The following RAD1 variants were observed in gnomAD, a reference collection of about 807,000 sequenced individuals.
RAD1 encodes cell cycle checkpoint protein RAD1.
A neutral mutation model predicts 30.0 loss-of-function variants in RAD1; 21 were observed. That is an observed-to-expected ratio of 0.70 (90% CI 0.50 to 1.01). The LOEUF is 1.01. Among genes scored for constraint, RAD1 ranks in the 50% least tolerant of loss-of-function variants. The pLI, the probability that RAD1 is intolerant of heterozygous loss-of-function variation, is 0.00. For missense variants in RAD1, 329 were observed against 329.0 expected, an observed-to-expected ratio of 1.00 and a Z score of 0.00; for synonymous variants, 109 against 113.6, an observed-to-expected ratio of 0.96 and a Z score of 0.26.
intron 2 of RAD1, 178 bp downstream of exon 2, chr5:34,914,517 C>A: frequency 4.6e-6 from 3 of 649,918 alleles, no homozygotes; most frequent in Middle Eastern, 8.6e-4. Context: ...AAAAAAAATT[C>A]AAGTAATGAC....
chr5:34,911,915 C>A, intron 3 of RAD1, 103 bp from the exon 4 acceptor site: 1 of 1,296,420 alleles, frequency 7.7e-7, no homozygotes, highest in Non-Finnish European at 1.1e-6. Flanking sequence ...TTATTCCGCC[C>A]AATTTCTCAC....
chr5:34,913,606 T>C, intron 2 of RAD1, 28 bp from the exon 3 acceptor site: 1 of 1,409,044 alleles, frequency 7.1e-7, no homozygotes, highest in East Asian at 2.3e-5. Context: ...ATGAAAATTG[T>C]TACATAAAAG....
intron 3 of RAD1, among the ~76,000 whole-genome samples, chr5:34,913,092 CAG>C (rs1763902037): frequency 6.6e-6 from 1 of 152,128 alleles, no homozygotes; most frequent in South Asian, 2.1e-4. Context: ...AACTAGGAGT[CAG>C]AACTGGCTTT....
intron 5 of RAD1, 105 bp from the exon 6 acceptor site, chr5:34,909,053 C>T (rs1763750325): frequency 5.2e-6 from 6 of 1,143,076 alleles, no homozygotes; most frequent in Non-Finnish European, 7.5e-6. Flanking sequence ...AAATCAAGTA[C>T]TTATCCAATT....
chr5:34,915,083 A>T (rs926612014), intron 1 of RAD1, 122 bp from the exon 2 acceptor site: 1 of 598,418 alleles, frequency 1.7e-6, no homozygotes, highest in Non-Finnish European at 3.0e-6. Flanking sequence ...AACCCCACCT[A>T]TGTCACTTAA....
chr5:34,911,803 G>A lies in RAD1; in HGVS notation c.317C>T (p.Thr106Ile). The change falls in exon 4 of 6, where the codon ACT becomes ATT. Residue 106 changes from threonine (T) to isoleucine (I), a missense_variant. By Grantham distance (89) the Thr-to-Ile change is moderately conservative (BLOSUM62 -1). Transcript: ENST00000382038. ...FGSSPMPGTLTALRMCYQGYG... is the reference protein window; with the variant it reads ...FGSSPMPGTLIALRMCYQGYG... ...ACCTTGGTAACACATTCGAAGTGCA[G>A]TTAAAGTCCCTGCAATGGAAAGAAG... The A allele has an allele frequency of 3.7e-6, 6 of 1,614,110 alleles. No individual in the cohort carries two copies. The highest frequency in any genetic ancestry group is 5.1e-6 in the Non-Finnish European group (6 of 1,179,992).
At chr5:34,910,363 T>C (rs1298895054) in intron 4 of RAD1, among the ~76,000 whole-genome samples, 6 of 152,178 alleles carry the variant, frequency 3.9e-5, no homozygotes, top group Non-Finnish European at 7.4e-5. Flanking sequence ...TTGGTTAACT[T>C]TCTCAGACCT....
chr5:34,914,893 C>T lies in RAD1; in HGVS notation c.-1G>A. On this transcript the variant is annotated 5_prime_UTR_variant, in exon 2 of 6. Coordinates refer to ENST00000382038, the MANE Select transcript of RAD1 (RefSeq NM_002853.4). ...GGATCTGTTGGGTCAGAAGGGGCAT[C>T]GTCCACTGCGCATTCGGCCCCGAGG... 6.2e-7 allele frequency: 1 copy of T among 1,614,082 alleles called. No homozygotes were observed. The highest frequency in any genetic ancestry group is 8.5e-7 in the Non-Finnish European group (1 of 1,180,022).
chr5:34,907,019 C>A lies in RAD1; in HGVS notation c.*1746G>T, dbSNP rs1763673314. ...ATTCCAACTTCTTTTGTAGTCACTG[C>A]TAAATTTTGTATGCTGAGATTGAGA... On this transcript the variant is annotated 3_prime_UTR_variant, in exon 6 of 6. Coordinates refer to ENST00000382038, the MANE Select transcript of RAD1 (RefSeq NM_002853.4). 6.6e-6 allele frequency: 1 copy of A among 152,112 alleles called. No individual in the cohort carries two copies. 9.4% of individuals were successfully genotyped at this position (152,112 alleles called of 1,614,324 possible). A position where few individuals can be genotyped will look rare whatever the true frequency, so the allele number is the denominator to read the frequency against.
intron 3 of RAD1, among the ~76,000 whole-genome samples, chr5:34,912,339 T>TG (rs1307490895): frequency 6.6e-6 from 1 of 152,156 alleles, no homozygotes; most frequent in Non-Finnish European, 1.5e-5. Context: ...TTGTTAATGG[T>TG]GGTGTAAATT....
At chr5:34,912,205 T>C (rs1763869221) in intron 3 of RAD1, among the ~76,000 whole-genome samples, 1 of 152,220 alleles carries the variant, frequency 6.6e-6, no homozygotes, top group South Asian at 2.1e-4. Context: ...TAACAGTGGA[T>C]TGCTGTCATC....
chr5:34,910,764 A>G (rs562664217), intron 4 of RAD1, among the ~76,000 whole-genome samples: 2 of 152,332 alleles, frequency 1.3e-5, no homozygotes, highest in South Asian at 4.1e-4. Context: ...AGTTACAAAA[A>G]GAATACCTTA....
At position 34,909,356 on chromosome 5, in the gene RAD1, C is replaced by T; in HGVS notation, c.567G>A (p.Arg189=). 2 of 1,582,708 alleles carry T rather than the reference C, an allele frequency of 1.3e-6. No homozygotes were observed. Among genetic ancestry groups the T allele is most frequent in the Non-Finnish European group, 1.7e-6 (2 of 1,153,122 alleles). The change falls in exon 5 of 6, where the codon AGG becomes AGA. Residue 189 remains arginine, a splice_region_variant and synonymous_variant. Coordinates refer to ENST00000382038, the MANE Select transcript of RAD1 (RefSeq NM_002853.4). ...ITMSPDKPYF[R]LSTFGNAGSS... is the part of the protein sequence containing the mutation. ...TTCCTGCATTTCCAAAAGTAGATAA[C>T]CTATAGAAAATGATTACCTCATTTA...
chr5:34,913,616 G>T, intron 2 of RAD1, 38 bp from the exon 3 acceptor site: 1 of 1,258,138 alleles, frequency 7.9e-7, no homozygotes, highest in Non-Finnish European at 1.1e-6. Flanking sequence ...TTACATAAAA[G>T]AATAAAAACT....
chr5:34,911,650 A>C lies in RAD1; in HGVS notation c.470T>G (p.Ile157Ser), dbSNP rs1166503099. 1.2e-6 allele frequency: 2 copies of C among 1,614,214 alleles called. No homozygotes were observed. Among genetic ancestry groups the C allele is most frequent in the Non-Finnish European group, 1.7e-6 (2 of 1,180,038 alleles). ...TTCACGGAGCCCCTCTGACTGCAGAATAATTTTATTAATAACATTGGTGCT... is the reference window on the plus strand; with the variant it reads ...TTCACGGAGCCCCTCTGACTGCAGACTAATTTTATTAATAACATTGGTGCT... ...FCSTNVINKI[I>S]LQSEGLREAF... is the part of the protein sequence containing the mutation. Residue 157 changes from isoleucine to serine, a missense_variant, in exon 4 of 6, where the codon ATT (isoleucine) becomes AGT (serine). Physicochemically the swap from Ile to Ser is moderately radical, Grantham distance 142. Coordinates refer to ENST00000382038, the MANE Select transcript of RAD1 (RefSeq NM_002853.4).
chr5:34,915,330 A>G (rs1028334573), intron 1 of RAD1, 86 bp downstream of exon 1: 12 of 249,076 alleles, frequency 4.8e-5, no homozygotes, highest in Middle Eastern at 1.4e-3. Flanking sequence ...TAATCCTCCA[A>G]GAGTCCCAGA....
In RAD1 at chr5:34,913,488, CA is replaced by C. The variant is rs751228185; in HGVS notation, c.288del (p.Phe96LeufsTer10). On this transcript the variant is annotated frameshift_variant, in exon 3 of 6. Transcript: ENST00000382038. LOFTEE classifies it high-confidence loss of function. ...LTVLLDCLSIFGSSPMPGTLT... is the reference protein window; with the variant it reads ...LTVLLDCLSIXGSSPMPGTLT... ...AGTTTACCTGGCATAGGACTTGATC[CA>C]AAAATAGATAAACAGTCTAAAAGGA... 6 of 1,583,654 alleles carry C rather than the reference CA, an allele frequency of 3.8e-6. No homozygotes were observed. The highest frequency in any genetic ancestry group is 1.1e-5 in the South Asian group (1 of 88,206).
At position 34,913,530 on chromosome 5, in the gene RAD1, G is replaced by T; in HGVS notation, c.247C>A (p.Arg83=). The T allele has an allele frequency of 6.2e-7, 1 of 1,604,558 alleles. No homozygotes were observed. The highest frequency in any genetic ancestry group is 1.3e-5 in the African/African-American group (1 of 74,530). The change falls in exon 3 of 6, where the codon CGA becomes AGA. Residue 83 remains arginine (R), a synonymous_variant. Transcript: ENST00000382038. ...FKVQEESVTF[R]INLTVLLDCL... is the part of the protein sequence containing the mutation. The stretch of plus-strand genomic sequence containing the variant: ...TCTAAAAGGACAGTTAAATTAATTC[G>T]AAAAGTAACAGACTCTTCCTGAACT...
At position 34,906,020 on chromosome 5, in the gene RAD1, T is replaced by C. The variant is rs1763640075; in HGVS notation, c.*2745A>G. 1 of 152,126 alleles carries C rather than the reference T, an allele frequency of 6.6e-6. No individual in the cohort carries two copies. The highest frequency in any genetic ancestry group is 1.5e-5 in the Non-Finnish European group (1 of 68,028). 9.4% of individuals were successfully genotyped at this position (152,126 alleles called of 1,614,324 possible). ...CCCAGGCTGGAGTGCAATGGTGCAA[T>C]CTCGGCTCACTGCAACCCCCGCCTT... On this transcript the variant is annotated 3_prime_UTR_variant, in exon 6 of 6. Transcript: ENST00000382038.
Sources: allele counts gnomAD v4.1 joint callset (sites outside exome capture counted in the v4.1 genomes callset), GRCh38; gene constraint gnomAD v4.1.1; transcripts MANE v1.5; gene names NCBI Gene and HGNC (gene_info 2026-07-23, HGNC 2026-07-21).